Variants in PAM observed in about 807,000 individuals in gnomAD.
PAM encodes peptidyl-glycine alpha-amidating monooxygenase.
PAM carries 72 observed loss-of-function variants against 122.1 expected under a neutral mutation model. That is an observed-to-expected ratio of 0.59 (90% CI 0.49 to 0.72). The LOEUF is 0.72. Among genes scored for constraint, PAM ranks in the 30% least tolerant of loss-of-function variants. The pLI is 0.00. For synonymous variants in PAM, 389 were observed against 404.4 expected, an observed-to-expected ratio of 0.96 and a Z score of 0.46; for missense variants, 1,106 against 1,183.7, an observed-to-expected ratio of 0.93 and a Z score of 0.96.
intron 5 of PAM, among the ~76,000 whole-genome samples, chr5:102,916,648 C>T (rs1392937357): frequency 1.4e-5 from 2 of 141,838 alleles, no homozygotes; most frequent in African/African-American, 5.2e-5. Flanking sequence ...ATATATATTC[C>T]TTTATATATA....
intron 16 of PAM, among the ~76,000 whole-genome samples, chr5:102,992,395 CT>C (rs1178671943): frequency 1.3e-5 from 2 of 151,914 alleles, no homozygotes; most frequent in Admixed American, 6.6e-5. Flanking sequence ...GCCTGTTGCC[CT>C]TAGCAGACTT....
At chr5:103,023,239 T>C (rs899582044) in intron 23 of PAM, among the ~76,000 whole-genome samples, 22 of 152,080 alleles carry the variant, frequency 1.4e-4, no homozygotes, top group African/African-American at 5.1e-4. Flanking sequence ...TGGTTCTGCC[T>C]TATCCATGAA....
chr5:102,845,188 TAACA>T (rs1360681733), intron 1 of PAM, among the ~76,000 whole-genome samples: 6 of 152,188 alleles, frequency 3.9e-5, no homozygotes, highest in Non-Finnish European at 8.8e-5. Context: ...AAATGGTTTA[TAACA>T]AACAGCGTTT....
intron 1 of PAM, among the ~76,000 whole-genome samples, chr5:102,826,676 T>TA (rs1773731565): frequency 6.6e-6 from 1 of 152,094 alleles, no homozygotes; most frequent in South Asian, 2.1e-4. Context: ...CTGCAATCCT[T>TA]AAGGATACAA....
intron 24 of PAM, among the ~76,000 whole-genome samples, chr5:103,027,206 CTG>C (rs1785195683): frequency 6.6e-6 from 1 of 152,208 alleles, no homozygotes; most frequent in Non-Finnish European, 1.5e-5. Flanking sequence ...ATATCAGACA[CTG>C]TGCTAGGCAC....
intron 7 of PAM, among the ~76,000 whole-genome samples, chr5:102,944,840 T>A (rs772228523): frequency 9.2e-5 from 14 of 152,184 alleles, no homozygotes; most frequent in African/African-American, 1.7e-4. Context: ...TCTGAGAACA[T>A]GTTTTGCACA....
chr5:102,916,408 G>T (rs1350823012), intron 5 of PAM, among the ~76,000 whole-genome samples: 1 of 151,720 alleles, frequency 6.6e-6, no homozygotes, highest in Non-Finnish European at 1.5e-5. Flanking sequence ...TAAAATATTT[G>T]CCTTGTATCC....
intron 1 of PAM, among the ~76,000 whole-genome samples, chr5:102,780,840 T>C (rs1758740223): frequency 6.9e-6 from 1 of 145,684 alleles, no homozygotes; most frequent in African/African-American, 2.5e-5. Flanking sequence ...TCTTTCTCTG[T>C]CTTTCTCTCT....
chr5:102,887,086 A>G (rs967026635), intron 3 of PAM, among the ~76,000 whole-genome samples: 3 of 152,018 alleles, frequency 2.0e-5, no homozygotes, highest in Non-Finnish European at 2.9e-5. Flanking sequence ...TTGATATTTA[A>G]TGCTTATTGC....
chr5:102,780,654 C>A (rs1758496217), intron 1 of PAM, among the ~76,000 whole-genome samples: 1 of 152,138 alleles, frequency 6.6e-6, no homozygotes, highest in Admixed American at 6.5e-5. Flanking sequence ...GCCCTGACAA[C>A]CAGATTTCTG....
chr5:102,816,346 C>T (rs1040724448), intron 1 of PAM, among the ~76,000 whole-genome samples: 1 of 152,128 alleles, frequency 6.6e-6, no homozygotes, highest in Non-Finnish European at 1.5e-5. Flanking sequence ...AAGGAACTTA[C>T]ATTATAGGAG....
intron 15 of PAM, among the ~76,000 whole-genome samples, chr5:102,984,863 T>G (rs975562989): frequency 3.3e-5 from 5 of 152,108 alleles, no homozygotes; most frequent in Admixed American, 3.3e-4. Context: ...ATTTTAAAAA[T>G]AGAAATTATA....
chr5:102,991,255 G>C (rs1773983411), intron 16 of PAM, among the ~76,000 whole-genome samples: 1 of 152,108 alleles, frequency 6.6e-6, no homozygotes, highest in Non-Finnish European at 1.5e-5. Flanking sequence ...TTGTAAGCAT[G>C]TTCATGATTG....
chr5:102,832,453 T>A (rs1438812653), intron 1 of PAM, among the ~76,000 whole-genome samples: 1 of 152,050 alleles, frequency 6.6e-6, no homozygotes, highest in African/African-American at 2.4e-5. Context: ...TAGTACTGAA[T>A]CCTATATATA....
intron 19 of PAM, 26 bp from the exon 20 acceptor site, chr5:103,007,431 A>T: frequency 6.2e-7 from 1 of 1,602,176 alleles, no homozygotes; most frequent in Non-Finnish European, 8.5e-7. Flanking sequence ...AACATTGTGT[A>T]TCTAAGGCTT....
intron 1 of PAM, among the ~76,000 whole-genome samples, chr5:102,762,634 A>AG (rs1752683690): frequency 1.3e-5 from 2 of 152,178 alleles, no homozygotes; most frequent in East Asian, 3.9e-4. Context: ...ATTTAGAATT[A>AG]TATTGGTTCT....
intron 5 of PAM, among the ~76,000 whole-genome samples, chr5:102,920,237 T>G (rs1048832026): frequency 6.6e-6 from 1 of 152,090 alleles, no homozygotes; most frequent in Non-Finnish European, 1.5e-5. Flanking sequence ...GTAATGTGTT[T>G]GGTGTAGTGT....
intron 1 of PAM, among the ~76,000 whole-genome samples, chr5:102,821,214 AG>A (rs1276777380): frequency 6.6e-6 from 1 of 152,230 alleles, no homozygotes; most frequent in Non-Finnish European, 1.5e-5. Context: ...CTTTAAGAGA[AG>A]TTTTAGCTTA....
chr5:102,890,759 G>A (rs897702138), intron 3 of PAM, among the ~76,000 whole-genome samples: 6 of 151,970 alleles, frequency 3.9e-5, no homozygotes, highest in Middle Eastern at 3.4e-3. Context: ...GGAATTTTCC[G>A]AGGAGGTTTA....
Sources: allele counts gnomAD v4.1 joint callset (sites outside exome capture counted in the v4.1 genomes callset), GRCh38; gene constraint gnomAD v4.1.1; transcripts MANE v1.5; gene names NCBI Gene and HGNC (gene_info 2026-07-23, HGNC 2026-07-21).